Variants in GABRG3 observed in about 807,000 individuals in gnomAD.
The protein encoded by GABRG3 is gamma-aminobutyric acid type A receptor subunit gamma3, also known as gamma-aminobutyric acid receptor subunit gamma-3.
In GABRG3, 25 loss-of-function variants were observed where a neutral mutation model predicts 48.8. That is an observed-to-expected ratio of 0.51 (90% CI 0.37 to 0.72). The LOEUF (loss-of-function observed/expected upper bound fraction) is 0.72. Ranked by LOEUF, GABRG3 falls within the 30% of genes least tolerant of loss-of-function variation. GABRG3 has a pLI of 0.00. For missense variants in GABRG3, 394 were observed against 577.9 expected, an observed-to-expected ratio of 0.68 and a Z score of 3.26; for synonymous variants, 227 against 217.6, an observed-to-expected ratio of 1.04 and a Z score of -0.38.
chr15:27,097,888 T>C (rs1897291364), intron 3 of GABRG3, among the ~76,000 whole-genome samples: 3 of 152,006 alleles, frequency 2.0e-5, no homozygotes, highest in Admixed American at 2.0e-4. Context: ...ATGATAATAT[T>C]ACAAGCCTGC....
At chr15:27,004,502 G>A (rs549534569) in intron 2 of GABRG3, among the ~76,000 whole-genome samples, 31 of 151,596 alleles carry the variant, frequency 2.0e-4, no homozygotes, top group Admixed American at 1.7e-3. Context: ...CATCCCAGAC[G>A]ATGGGCGGTC....
intron 3 of GABRG3, among the ~76,000 whole-genome samples, chr15:27,206,536 G>A (rs1025193792): frequency 2.6e-5 from 4 of 152,130 alleles, no homozygotes; most frequent in African/African-American, 7.2e-5. Context: ...TTGTTATTGG[G>A]TGCAGTATTC....
At chr15:27,502,805 G>T (rs555075355) in intron 6 of GABRG3, among the ~76,000 whole-genome samples, 1 of 152,324 alleles carries the variant, frequency 6.6e-6, no homozygotes, top group Non-Finnish European at 1.5e-5. Context: ...AAATAACCAG[G>T]CTGATGAAGA....
Position 27,303,505 on chromosome 15 carries a change from A to G in GABRG3, c.271-23304A>G, listed in dbSNP as rs1467493224. Among the ~76,000 whole-genome samples the G allele has an allele frequency of 2.6e-5, 4 of 151,814 alleles. No individual in the cohort carries two copies. The East Asian group carries it at 7.7e-4, about 29-fold the overall frequency. On this transcript the variant is annotated intron_variant, in intron 3 of 9. Coordinates refer to ENST00000615808, the MANE Select transcript of GABRG3 (RefSeq NM_033223.5). ...CCCAAAATCTGAAAAATAAACTTCCAGGCCTAAATATGGTTTCACTGGTTA... is the reference window on the plus strand; with the variant it reads ...CCCAAAATCTGAAAAATAAACTTCCGGGCCTAAATATGGTTTCACTGGTTA...
intron 5 of GABRG3, among the ~76,000 whole-genome samples, chr15:27,384,743 T>C (rs1326717403): frequency 6.6e-6 from 1 of 152,134 alleles, no homozygotes; most frequent in African/African-American, 2.4e-5. Context: ...GTAATAGAAA[T>C]GGCACTAAAA....
chr15:27,515,432 A>T lies in GABRG3; in HGVS notation c.713-4540A>T, dbSNP rs910296485. Among the ~76,000 whole-genome samples, 7 of 152,164 alleles carry T rather than the reference A, an allele frequency of 4.6e-5. No homozygotes were observed. The South Asian group carries it at 1.4e-3, about 31-fold the overall frequency. Reference sequence around the variant, plus strand: ...TAAACAAATGTAATAAAGAGAAGAAAAAGACAAGTCACCTCAGGGCAAACT... The same window carrying T: ...TAAACAAATGTAATAAAGAGAAGAATAAGACAAGTCACCTCAGGGCAAACT... On this transcript the variant is annotated intron_variant, in intron 6 of 9. Transcript: ENST00000615808.
chr15:27,000,273 T>C (rs1306292548), intron 2 of GABRG3, among the ~76,000 whole-genome samples: 1 of 152,202 alleles, frequency 6.6e-6, no homozygotes, highest in Non-Finnish European at 1.5e-5. Flanking sequence ...TATTCTTGAG[T>C]ATCATTTTGG....
intron 5 of GABRG3, chr15:27,420,859 A>G (rs1888092423): frequency 6.6e-6 from 1 of 152,218 alleles, no homozygotes; most frequent in Non-Finnish European, 1.5e-5. Context: ...TGCCAAGGAA[A>G]TACACAAAAG....
At chr15:27,348,757 C>T (rs1171199452) in intron 5 of GABRG3, among the ~76,000 whole-genome samples, 1 of 152,128 alleles carries the variant, frequency 6.6e-6, no homozygotes, top group Admixed American at 6.5e-5. Flanking sequence ...GAAGAGTTGA[C>T]ATTTTAAGTT....
chr15:27,207,604 A>G (rs772618925), intron 3 of GABRG3, among the ~76,000 whole-genome samples: 6 of 152,198 alleles, frequency 3.9e-5, no homozygotes, highest in Non-Finnish European at 8.8e-5. Flanking sequence ...AGACCTTATG[A>G]TGCGACAGCA....
At chr15:27,433,978 T>C (rs1888532938) in intron 5 of GABRG3, among the ~76,000 whole-genome samples, 1 of 152,240 alleles carries the variant, frequency 6.6e-6, no homozygotes, top group African/African-American at 2.4e-5. Context: ...ACAATTCTTA[T>C]AGGACTTTAC....
intron 5 of GABRG3, among the ~76,000 whole-genome samples, chr15:27,405,496 G>A (rs1887603314): frequency 6.6e-6 from 1 of 152,196 alleles, no homozygotes; most frequent in Non-Finnish European, 1.5e-5. Context: ...ATCATTATGG[G>A]TAATTGGTAA....
intron 8 of GABRG3, 115 bp from the exon 9 acceptor site, chr15:27,527,818 C>A: frequency 1.0e-6 from 1 of 991,052 alleles, no homozygotes; most frequent in South Asian, 1.5e-5. Flanking sequence ...TCTCTGGTGT[C>A]ACCTACCGGT....
At chr15:27,214,659 T>G (rs1889182953) in intron 3 of GABRG3, among the ~76,000 whole-genome samples, 1 of 151,952 alleles carries the variant, frequency 6.6e-6, no homozygotes, top group South Asian at 2.1e-4. Flanking sequence ...CTAAACAAAT[T>G]TAGCCATAAA....
chr15:27,357,679 T>C (rs1894886753), intron 5 of GABRG3, among the ~76,000 whole-genome samples: 1 of 152,246 alleles, frequency 6.6e-6, no homozygotes, highest in Non-Finnish European at 1.5e-5. Flanking sequence ...GATTTTCATA[T>C]CTGCTTCCGC....
intron 5 of GABRG3, among the ~76,000 whole-genome samples, chr15:27,358,486 G>A (rs998613845): frequency 6.6e-6 from 1 of 152,046 alleles, no homozygotes; most frequent in African/African-American, 2.4e-5. Context: ...GAGAAGGGCT[G>A]GTGGCATGGT....
chr15:27,054,055 C>T (rs540139091), intron 3 of GABRG3, among the ~76,000 whole-genome samples: 3 of 151,938 alleles, frequency 2.0e-5, no homozygotes, highest in Non-Finnish European at 4.4e-5. Flanking sequence ...GTCAGGAGTT[C>T]GAGACCAGCC....
In GABRG3 at chr15:27,423,254, A is replaced by C. The variant is rs1159916555; in HGVS notation, c.575-57396A>C. Among the ~76,000 whole-genome samples, 8 of 150,780 alleles carry C rather than the reference A, an allele frequency of 5.3e-5. No homozygotes were observed. The East Asian group carries it at 9.7e-4, about 18-fold the overall frequency. On this transcript the variant is annotated intron_variant, in intron 5 of 9. Coordinates refer to ENST00000615808, the MANE Select transcript of GABRG3 (RefSeq NM_033223.5). ...AAAGTCATTATGATAAAAAAAAAAAAAAAAAAAAAAACCTCTAGAGAGCCA... is the reference window on the plus strand; with the variant it reads ...AAAGTCATTATGATAAAAAAAAAAACAAAAAAAAAAACCTCTAGAGAGCCA...
intron 5 of GABRG3, among the ~76,000 whole-genome samples, chr15:27,438,299 T>C (rs547175753): frequency 6.6e-6 from 1 of 152,248 alleles, no homozygotes; most frequent in Non-Finnish European, 1.5e-5. Flanking sequence ...ATTTTCTTAA[T>C]AGCTTAGCTA....
Sources: allele counts gnomAD v4.1 joint callset (sites outside exome capture counted in the v4.1 genomes callset), GRCh38; gene constraint gnomAD v4.1.1; transcripts MANE v1.5; gene names NCBI Gene and HGNC (gene_info 2026-07-23, HGNC 2026-07-21).